The following UNC93A variants were observed in gnomAD, a reference collection of about 807,000 sequenced individuals.
UNC93A encodes unc-93 homolog A, also known as N-acetylglucosamine transporter UNC93A.
UNC93A carries 43 observed loss-of-function variants against 47.5 expected under a neutral mutation model. The observed-to-expected ratio is 0.91, with a 90% confidence interval of 0.71 to 1.17. UNC93A has a LOEUF of 1.17. Among genes scored for constraint, UNC93A ranks in the 50% most tolerant of loss-of-function variants. UNC93A has a pLI of 0.00. For missense variants in UNC93A, 605 were observed against 577.6 expected (o/e 1.05, Z -0.49); for synonymous variants, 280 against 258.0 (o/e 1.09, Z -0.82).
intron 4 of UNC93A, 98 bp from the exon 5 acceptor site, chr6:167,303,821 C>T (rs1219437435): frequency 1.9e-5 from 22 of 1,176,184 alleles, no homozygotes; most frequent in Non-Finnish European, 2.6e-5. Flanking sequence ...AATTAGCCCT[C>T]CCTCGCGAGA....
chr6:167,293,369 C>A (rs774942610), intron 1 of UNC93A, among the ~76,000 whole-genome samples: 7 of 152,292 alleles, frequency 4.6e-5, no homozygotes, highest in Non-Finnish European at 7.4e-5. Flanking sequence ...GAAGGGTCCC[C>A]TCCACTCCAG....
chr6:167,301,203 T>C (rs1027783325), intron 4 of UNC93A, among the ~76,000 whole-genome samples: 2 of 152,246 alleles, frequency 1.3e-5, no homozygotes, highest in African/African-American at 4.8e-5. Context: ...GGCTGTTGTC[T>C]GTGGAACCTC....
At position 167,279,442 on chromosome 6, in the gene UNC93A, G is replaced by T. The variant is rs190895172; in HGVS notation, c.-52+7984G>T. Among the ~76,000 whole-genome samples, 68 of 152,060 alleles carry T rather than the reference G, an allele frequency of 4.5e-4. 2 individuals carry two copies. The South Asian group carries it at 6.6e-3, about 15-fold the overall frequency. On this transcript the variant is annotated intron_variant, in intron 1 of 3. Coordinates refer to the UNC93A transcript ENST00000503433. The stretch of plus-strand genomic sequence containing the variant: ...AACATCTGCCTAGTTCCCTCCTATC[G>T]TATGTGTAAAATAAAATCTTTAACA...
chr6:167,293,128 C>T (rs1174676856), intron 1 of UNC93A, among the ~76,000 whole-genome samples: 1 of 152,142 alleles, frequency 6.6e-6, no homozygotes, highest in Non-Finnish European at 1.5e-5. Flanking sequence ...CTCTTCAGCC[C>T]CAGTTTGGGG....
At chr6:167,312,156 T>G (rs1778575719) in intron 7 of UNC93A, among the ~76,000 whole-genome samples, 1 of 152,068 alleles carries the variant, frequency 6.6e-6, no homozygotes, top group Admixed American at 6.5e-5. Flanking sequence ...GTTTGCTGTT[T>G]TCTCATGATT....
At chr6:167,269,770 CTT>C (rs200873286), upstream of UNC93A, among the ~76,000 whole-genome samples, 4 of 140,326 alleles carry the variant, frequency 2.9e-5, no homozygotes, top group Non-Finnish European at 6.1e-5. Context: ...CCACGCCTGG[CTT>C]TTTTTTGTGT....
intron 7 of UNC93A, among the ~76,000 whole-genome samples, chr6:167,309,749 A>G (rs1259388001): frequency 6.6e-6 from 1 of 152,194 alleles, no homozygotes; most frequent in Admixed American, 6.5e-5. Flanking sequence ...TGGGTTGCGT[A>G]TCCACAGGAC....
intron 7 of UNC93A, among the ~76,000 whole-genome samples, chr6:167,308,935 G>A (rs941542184): frequency 3.3e-5 from 5 of 152,120 alleles, no homozygotes; most frequent in Non-Finnish European, 7.4e-5. Context: ...TCACAGAATA[G>A]GGTGGCCTGG....
At position 167,295,493 on chromosome 6, in the gene UNC93A, C is replaced by G. The variant is rs1394432956; in HGVS notation, c.270-539C>G. ...CTCGCCTCCCTCGTGAACCTCGCCT[C>G]CCTCGTGATCCTCGCCTGCCTCGTG... On this transcript the variant is annotated intron_variant, in intron 2 of 7. Coordinates refer to ENST00000230256, the MANE Select transcript of UNC93A (RefSeq NM_018974.4). Among the ~76,000 whole-genome samples the G allele has an allele frequency of 5.0e-3, 457 of 91,080 alleles. 33 individuals are homozygous for G. The highest frequency in any genetic ancestry group is 6.2e-3 in the East Asian group (15 of 2,412). 59.8% of individuals were successfully genotyped at this position (91,080 alleles called of 152,430 possible). A position where few individuals can be genotyped will look rare whatever the true frequency, so the allele number is the denominator to read the frequency against.
intron 1 of UNC93A, among the ~76,000 whole-genome samples, chr6:167,277,349 C>T (rs1224942803): frequency 6.6e-6 from 1 of 152,186 alleles, no homozygotes. Flanking sequence ...TGGAGCCTTC[C>T]AGCTGGCCTC....
At chr6:167,295,060 G>C (rs540737217) in intron 2 of UNC93A, among the ~76,000 whole-genome samples, 1 of 152,310 alleles carries the variant, frequency 6.6e-6, no homozygotes, top group Admixed American at 6.5e-5. Context: ...CACCTAGGCA[G>C]ATGTCACCAA....
chr6:167,296,873 G>C (rs539568662), intron 3 of UNC93A, among the ~76,000 whole-genome samples: 1 of 152,136 alleles, frequency 6.6e-6, no homozygotes, highest in Non-Finnish European at 1.5e-5. Flanking sequence ...CTTTCCCAAC[G>C]GGGTAAAAAC....
chr6:167,286,118 A>G (rs1783728322), intron 1 of UNC93A, among the ~76,000 whole-genome samples: 1 of 151,138 alleles, frequency 6.6e-6, no homozygotes, highest in Non-Finnish European at 1.5e-5. Flanking sequence ...ATGGACATGC[A>G]TATATACAAA....
intron 1 of UNC93A, among the ~76,000 whole-genome samples, chr6:167,284,534 G>T (rs1053388496): frequency 6.6e-6 from 1 of 152,278 alleles, no homozygotes; most frequent in Non-Finnish European, 1.5e-5. Context: ...CATCCTCTCC[G>T]CTAAGCCCTG....
At chr6:167,313,848 T>G (rs775393150) in intron 7 of UNC93A, among the ~76,000 whole-genome samples, 26 of 152,228 alleles carry the variant, frequency 1.7e-4, no homozygotes, top group Admixed American at 3.3e-4. Flanking sequence ...ACAAGAGGTG[T>G]TTAGAATAGT....
chr6:167,281,510 C>A (rs550786271), intron 1 of UNC93A, among the ~76,000 whole-genome samples: 1 of 152,156 alleles, frequency 6.6e-6, no homozygotes, highest in Non-Finnish European at 1.5e-5. Flanking sequence ...GCCTGCAGGG[C>A]CCCTTGGGAA....
rs1486686028 is a variant in UNC93A at position 167,307,864 on chromosome 6, T to C, written c.1062T>C (p.Ser354=). The change falls in exon 7 of 8, where the codon TCT becomes TCC. Residue 354 remains serine (S), a synonymous_variant. Transcript: ENST00000230256. ...ATCTGGCAGTGTTCTTCGTATTCTC[T>C]GGCCTGTGGGGCGTGGCAGATGCCG... is the stretch of plus-strand genomic sequence containing the variant. ...ADHLAVFFVF[S]GLWGVADAVW... The C allele has an allele frequency of 6.2e-7, 1 of 1,613,986 alleles. No individual in the cohort carries two copies. The highest frequency in any genetic ancestry group is 1.7e-5 in the Admixed American group (1 of 60,010).
At chr6:167,285,243 G>C (rs1783706030) in intron 1 of UNC93A, among the ~76,000 whole-genome samples, 1 of 151,922 alleles carries the variant, frequency 6.6e-6, no homozygotes. Flanking sequence ...TTTAGGCCAA[G>C]GGGAGGGGCC....
At chr6:167,277,927 G>C (rs140369393) in intron 1 of UNC93A, among the ~76,000 whole-genome samples, 3 of 152,208 alleles carry the variant, frequency 2.0e-5, no homozygotes, top group African/African-American at 4.8e-5. Flanking sequence ...GGCCCTGGCA[G>C]AGCCACCAGG....
Sources: allele counts gnomAD v4.1 joint callset (sites outside exome capture counted in the v4.1 genomes callset), GRCh38; gene constraint gnomAD v4.1.1; transcripts MANE v1.5; gene names NCBI Gene and HGNC (gene_info 2026-07-23, HGNC 2026-07-21).